Variants in OSBPL9 observed in about 807,000 individuals in gnomAD.
The protein encoded by OSBPL9 is oxysterol binding protein like 9, also known as oxysterol-binding protein-related protein 9.
Under a neutral mutation model 106.6 loss-of-function variants are expected in OSBPL9, and 40 were observed. The observed-to-expected ratio is 0.38, with a 90% CI of 0.29 to 0.49. The LOEUF (loss-of-function observed/expected upper bound fraction) is 0.49, where lower values mean the gene tolerates loss of function less well. Ranked by LOEUF, OSBPL9 falls within the 20% of genes least tolerant of loss-of-function variation. OSBPL9 has a pLI of 0.97. For missense variants in OSBPL9, 609 were observed against 887.2 expected, an observed-to-expected ratio of 0.69 and a Z score of 3.98; for synonymous variants, 269 against 295.4, an observed-to-expected ratio of 0.91 and a Z score of 0.92.
chr1:51,635,121 A>C (rs758196804), intron 1 of OSBPL9, among the ~76,000 whole-genome samples: 1 of 152,176 alleles, frequency 6.6e-6, no homozygotes, highest in Non-Finnish European at 1.5e-5. Context: ...CTCTCAGTAG[A>C]TCATTTTACC....
At chr1:51,598,460 G>C (rs1645313114) in intron 2 of OSBPL9, among the ~76,000 whole-genome samples, 1 of 152,232 alleles carries the variant, frequency 6.6e-6, no homozygotes, top group African/African-American at 2.4e-5. Flanking sequence ...GGTGGTAGTG[G>C]GGTGGGGGTA....
At chr1:51,697,065 CAGG>C (rs774082592) in intron 3 of OSBPL9, among the ~76,000 whole-genome samples, 15 of 151,588 alleles carry the variant, frequency 9.9e-5, no homozygotes, top group Non-Finnish European at 1.6e-4. Context: ...GAGATTGAAG[CAGG>C]AGGATCGCCT....
chr1:51,767,997 A>G (rs1238783101), intron 12 of OSBPL9, among the ~76,000 whole-genome samples: 1 of 120,594 alleles, frequency 8.3e-6, no homozygotes, highest in South Asian at 2.8e-4. Context: ...GCTGGAGTGC[A>G]GTGGCGCCAT....
chr1:51,658,204 T>C (rs1646933208), intron 2 of OSBPL9, among the ~76,000 whole-genome samples: 1 of 152,116 alleles, frequency 6.6e-6, no homozygotes, highest in Non-Finnish European at 1.5e-5. Flanking sequence ...CATTCTGGCG[T>C]TGTGACTTGA....
rs572044345 is a variant in OSBPL9 at position 51,768,162 on chromosome 1, C to T, written c.938+2181C>T. On this transcript the variant is annotated intron_variant, in intron 12 of 23. Coordinates refer to ENST00000428468, the MANE Select transcript of OSBPL9 (RefSeq NM_024586.6). ...TTCACCGTGTTAGCCAGGATGGTCT[C>T]GATCTCCTGACCTCATGATCAGCCC... Among the ~76,000 whole-genome samples the T allele has an allele frequency of 1.1e-4, 16 of 152,034 alleles. No individual in the cohort carries two copies. In the South Asian group the frequency reaches 1.7e-3, roughly 16 times the overall value.
chr1:51,523,537 A>G, the OSBPL9 span, among the ~76,000 whole-genome samples: 1 of 152,142 alleles, frequency 6.6e-6, no homozygotes, highest in African/African-American at 2.4e-5. Flanking sequence ...GGAATTATAC[A>G]CAATTATACA....
intron 1 of OSBPL9, among the ~76,000 whole-genome samples, chr1:51,632,122 TA>T: frequency 6.6e-6 from 1 of 152,276 alleles, no homozygotes; most frequent in Non-Finnish European, 1.5e-5. Context: ...CACGTATATA[TA>T]AATAGAAGGC....
At chr1:51,554,433 A>T in the OSBPL9 span, among the ~76,000 whole-genome samples, 1 of 152,254 alleles carries the variant, frequency 6.6e-6, no homozygotes, top group Non-Finnish European at 1.5e-5. Context: ...TCAAAATGGA[A>T]GGCAAAACTT....
intron 3 of OSBPL9, among the ~76,000 whole-genome samples, chr1:51,675,455 G>A (rs994942056): frequency 6.6e-6 from 1 of 151,908 alleles, no homozygotes; most frequent in Admixed American, 6.6e-5. Context: ...AATTTTTTAT[G>A]TAGACCGAAT....
chr1:51,598,234 C>G (rs1424872467), intron 2 of OSBPL9: 1 of 152,246 alleles, frequency 6.6e-6, no homozygotes, highest in African/African-American at 2.4e-5. Flanking sequence ...ATCACTCTTT[C>G]ATTTTGTGAT....
intron 4 of OSBPL9, among the ~76,000 whole-genome samples, chr1:51,715,176 A>G (rs1013771282): frequency 3.3e-5 from 5 of 152,220 alleles, no homozygotes; most frequent in African/African-American, 1.2e-4. Flanking sequence ...CCTACAAGAT[A>G]GTAAACCCCC....
chr1:51,731,231 C>G (rs1461376709), intron 4 of OSBPL9, among the ~76,000 whole-genome samples: 3 of 151,090 alleles, frequency 2.0e-5, no homozygotes, highest in Non-Finnish European at 4.4e-5. Flanking sequence ...AGTCCAGGAG[C>G]TGGAGACCAG....
At chr1:51,561,750 C>T in the OSBPL9 span, 1 of 152,048 alleles carries the variant, frequency 6.6e-6, no homozygotes, top group Non-Finnish European at 1.5e-5. Flanking sequence ...CTATGACTGC[C>T]CCCATTTAAA....
chr1:51,682,321 G>A (rs937264406), intron 3 of OSBPL9, among the ~76,000 whole-genome samples: 1 of 151,922 alleles, frequency 6.6e-6, no homozygotes, highest in Non-Finnish European at 1.5e-5. Context: ...AGATACAGAG[G>A]GCCAACATAC....
intron 1 of OSBPL9, among the ~76,000 whole-genome samples, chr1:51,639,816 GTTTT>G (rs758174157): frequency 4.5e-5 from 3 of 67,026 alleles, no homozygotes; most frequent in African/African-American, 6.4e-5. Context: ...ATTCCTAGTT[GTTTT>G]TTTTTTTTTT....
chr1:51,765,823 C>G lies in OSBPL9; in HGVS notation c.780C>G (p.Gly260=). ...HHQTPTPNST[G]SGHSPPSSSL... Reference sequence around the variant, plus strand: ...TCTAAAACCCTTTTAACTTCCTAGGCAGTGGCCATTCACCACCGAGTAGCA... The same window carrying G: ...TCTAAAACCCTTTTAACTTCCTAGGGAGTGGCCATTCACCACCGAGTAGCA... The change falls in exon 12 of 24, where the codon GGC becomes GGG. Residue 260 remains glycine (G), a splice_region_variant and synonymous_variant. Coordinates refer to ENST00000428468, the MANE Select transcript of OSBPL9 (RefSeq NM_024586.6). The G allele has an allele frequency of 6.2e-7, 1 of 1,610,150 alleles. No homozygotes were observed. Among genetic ancestry groups the G allele is most frequent in the Admixed American group, 1.7e-5 (1 of 59,278 alleles).
chr1:51,776,147 C>T (rs1675024283), intron 14 of OSBPL9, among the ~76,000 whole-genome samples: 1 of 152,072 alleles, frequency 6.6e-6, no homozygotes, highest in South Asian at 2.1e-4. Context: ...GGTTCCCAGT[C>T]TGTATTCTTT....
chr1:51,531,232 C>T, the OSBPL9 span, among the ~76,000 whole-genome samples: 4 of 151,792 alleles, frequency 2.6e-5, no homozygotes, highest in Non-Finnish European at 5.9e-5. Context: ...GAGCCAAGAT[C>T]GTGCCACTGC....
At chr1:51,617,265 T>C in intron 1 of OSBPL9, 44 bp downstream of exon 1, 1 of 1,552,452 alleles carries the variant, frequency 6.4e-7, no homozygotes, top group Non-Finnish European at 8.7e-7. Context: ...CGGGGCCGCG[T>C]TTCCTGGGTG....
Sources: allele counts gnomAD v4.1 joint callset (sites outside exome capture counted in the v4.1 genomes callset), GRCh38; gene constraint gnomAD v4.1.1; transcripts MANE v1.5; gene names NCBI Gene and HGNC (gene_info 2026-07-23, HGNC 2026-07-21).